Variants in USP36 observed in about 807,000 individuals in gnomAD.
USP36 encodes ubiquitin carboxyl-terminal hydrolase 36.
A neutral mutation model predicts 111.5 loss-of-function variants in USP36; 59 were observed. The ratio of observed to expected loss-of-function variants is 0.53; its 90% CI spans 0.43 to 0.66. The LOEUF (loss-of-function observed/expected upper bound fraction) is 0.66. Among genes scored for constraint, USP36 ranks in the 30% least tolerant of loss-of-function variants. The pLI, the probability that USP36 is intolerant of heterozygous loss-of-function variation, is 0.00. For missense variants in USP36, 1,488 were observed against 1,468.0 expected (o/e 1.01, Z -0.22); for synonymous variants, 628 against 581.0 (o/e 1.08, Z -1.16).
downstream of USP36, chr17:78,795,561 T>G (rs2093617002): frequency 1.3e-5 from 2 of 152,014 alleles, no homozygotes; most frequent in South Asian, 4.1e-4. The surrounding 1 kb of genome is among the most constrained non-coding windows in gnomAD (Gnocchi z 4.5). Context: ...TAGCCCAGCC[T>G]CAACTTCCAG....
upstream of USP36, chr17:78,841,060 G>A (rs1013652681): frequency 1.3e-5 from 2 of 152,234 alleles, no homozygotes; most frequent in African/African-American, 2.4e-5. Flanking sequence ...CCTGTGCCGC[G>A]GCAGGGTGAC....
chr17:78,790,838 C>G (rs2093577360), downstream of USP36, among the ~76,000 whole-genome samples: 1 of 152,138 alleles, frequency 6.6e-6, no homozygotes, highest in Non-Finnish European at 1.5e-5. Flanking sequence ...ACCTAAATAC[C>G]TAGATCCTGC....
At chr17:78,824,908 C>T (rs560905972) in intron 6 of USP36, among the ~76,000 whole-genome samples, 5 of 152,346 alleles carry the variant, frequency 3.3e-5, no homozygotes, top group African/African-American at 9.6e-5. Flanking sequence ...ACAAAAGCCA[C>T]TCCACGTGAC....
In USP36 at chr17:78,802,543, G is replaced by C; in HGVS notation, c.2811-8C>G. 3.1e-6 allele frequency: 5 copies of C among 1,601,306 alleles called. No homozygotes were observed. Among genetic ancestry groups the C allele is most frequent in the Non-Finnish European group, 4.2e-6 (5 of 1,178,964 alleles). ...TCACCCATGGGAGAGCAGCTGCTTGGAAGTGAGAGGCAGCAGTCAGCTCTG... is the reference window on the plus strand; with the variant it reads ...TCACCCATGGGAGAGCAGCTGCTTGCAAGTGAGAGGCAGCAGTCAGCTCTG... On this transcript the variant is annotated splice_region_variant and splice_polypyrimidine_tract_variant and intron_variant, in intron 16 of 20. Transcript: ENST00000449938.
downstream of USP36, among the ~76,000 whole-genome samples, chr17:78,792,455 C>T (rs907555351): frequency 6.6e-6 from 1 of 152,156 alleles, no homozygotes; most frequent in Non-Finnish European, 1.5e-5. Context: ...CCTTCCCACT[C>T]TCCCACACCA....
Position 78,818,650 on chromosome 17 carries a change from G to T in USP36, c.1023+17C>A. 1.2e-6 allele frequency: 2 copies of T among 1,610,934 alleles called. No individual in the cohort carries two copies. Among genetic ancestry groups the T allele is most frequent in the Non-Finnish European group, 1.7e-6 (2 of 1,177,238 alleles). Reference sequence around the variant, plus strand: ...GTGGCCCACGGAGCTGCCTGGGATGGTGTCACGAGCGCTCACCTTGGTGAT... The same window carrying T: ...GTGGCCCACGGAGCTGCCTGGGATGTTGTCACGAGCGCTCACCTTGGTGAT... On this transcript the variant is annotated intron_variant, in intron 10 of 20. Coordinates refer to ENST00000449938, the MANE Select transcript of USP36 (RefSeq NM_001385174.1).
intron 1 of USP36, among the ~76,000 whole-genome samples, chr17:78,839,815 C>A (rs185263667): frequency 6.6e-6 from 1 of 152,318 alleles, no homozygotes. Context: ...CTCCGACGCA[C>A]ACACCATCCA....
At chr17:78,826,895 A>C in intron 6 of USP36, 1 of 586,416 alleles carries the variant, frequency 1.7e-6, no homozygotes, top group Non-Finnish European at 3.0e-6. Context: ...GATTTTTAAG[A>C]GACTGAAAAA....
At chr17:78,827,198 A>G in intron 6 of USP36, 47 bp downstream of exon 6, 1 of 1,491,548 alleles carries the variant, frequency 6.7e-7, no homozygotes, top group Non-Finnish European at 9.0e-7. Context: ...GCCACCATGT[A>G]GAAAAGGTGT....
At chr17:78,825,967 C>CT (rs1156777675) in intron 6 of USP36, among the ~76,000 whole-genome samples, 2 of 152,166 alleles carry the variant, frequency 1.3e-5, no homozygotes, top group Non-Finnish European at 2.9e-5. Context: ...GGTCCACTGT[C>CT]TTCACCAATT....
chr17:78,813,064 T>C, intron 12 of USP36, 63 bp from the exon 13 acceptor site: 1 of 1,600,720 alleles, frequency 6.2e-7, no homozygotes. Context: ...CGGAGAGAAT[T>C]AGAATAAGTT....
At position 78,821,940 on chromosome 17, in the gene USP36, G is replaced by A. The variant is rs939725126; in HGVS notation, c.754C>T (p.Arg252Cys). The change falls in exon 7 of 21, where the codon CGC becomes TGC. Residue 252 changes from arginine to cysteine, a missense_variant. This residue lies in a region of USP36 where 196 missense variants were observed against 264.4 expected (regional missense o/e 0.74). Coordinates refer to ENST00000449938, the MANE Select transcript of USP36 (RefSeq NM_001385174.1). ...HQIFGGYLRSRVKCSVCKSVS... is the reference protein window; with the variant it reads ...HQIFGGYLRSCVKCSVCKSVS... ...TAGAACAAACGTCTCCACTTACCGC[G>A]TGATCTGAGATACCCTCCAAAAATT... 20 of 1,614,016 alleles carry A rather than the reference G, an allele frequency of 1.2e-5. 1 individual carries two copies. The highest frequency in any genetic ancestry group is 2.2e-5 in the East Asian group (1 of 44,884).
intron 1 of USP36, among the ~76,000 whole-genome samples, chr17:78,839,891 T>C (rs1465154754): frequency 6.6e-6 from 1 of 152,182 alleles, no homozygotes; most frequent in East Asian, 1.9e-4. Context: ...CATCCACATT[T>C]CCACCTGCGC....
At position 78,796,604 on chromosome 17, in the gene USP36, C is replaced by T. The variant is rs2093632195; in HGVS notation, c.*1296G>A. Reference sequence around the variant, plus strand: ...TAAAAAAGCAATTCCATCTACACGCCAGTAACCACCCAGGCCCCGAGCACA... The same window carrying T: ...TAAAAAAGCAATTCCATCTACACGCTAGTAACCACCCAGGCCCCGAGCACA... On this transcript the variant is annotated 3_prime_UTR_variant, in exon 21 of 21. Coordinates refer to ENST00000449938, the MANE Select transcript of USP36 (RefSeq NM_001385174.1). 1 of 152,284 alleles carries T rather than the reference C, an allele frequency of 6.6e-6. No individual in the cohort carries two copies. Among genetic ancestry groups the T allele is most frequent in the African/African-American group, 2.4e-5 (1 of 41,442 alleles). The allele number at this position is 152,284 out of a possible 1,614,324, so 9.4% of individuals were successfully genotyped here.
chr17:78,819,781 G>T, intron 9 of USP36, 149 bp downstream of exon 9: 1 of 739,968 alleles, frequency 1.4e-6, no homozygotes, highest in Non-Finnish European at 2.3e-6. Flanking sequence ...TTATTTAGAA[G>T]TTTGAGTTTT....
Position 78,803,452 on chromosome 17 carries a change from G to A in USP36, c.2743C>T (p.Arg915Trp), listed in dbSNP as rs144517101. The change falls in exon 16 of 21, where the codon CGG becomes TGG. Residue 915 changes from arginine (R) to tryptophan (W), a missense_variant. By Grantham distance (101) the Arg-to-Trp change is moderately radical. Transcript: ENST00000449938. The surrounding 1 kb of genome is among the most constrained non-coding windows in gnomAD (Gnocchi z 4.6). Reference sequence around the variant, plus strand: ...AGACCTTCTGCTCCTTTCCTCCTCCGCTTCCTGCTGCTCGCGTGGTGGCCG... The same window carrying A: ...AGACCTTCTGCTCCTTTCCTCCTCCACTTCCTGCTGCTCGCGTGGTGGCCG... ...TDGHHASSRK[R>W]RRKGAEGLGE... is the part of the protein sequence containing the mutation. 3.1e-4 allele frequency: 502 copies of A among 1,614,022 alleles called. 5 individuals are homozygous for A. In the East Asian group the frequency reaches 0.011, roughly 34 times the overall value.
chr17:78,805,218 G>A (rs922711825), intron 15 of USP36, among the ~76,000 whole-genome samples: 1 of 152,108 alleles, frequency 6.6e-6, no homozygotes, highest in Admixed American at 6.6e-5. Context: ...CAAACTATAA[G>A]GGCCATGCCA....
At chr17:78,830,958 G>C (rs375972305) in intron 4 of USP36, among the ~76,000 whole-genome samples, 75 of 152,070 alleles carry the variant, frequency 4.9e-4, no homozygotes, top group African/African-American at 1.7e-3. Context: ...CAGATGCAGT[G>C]GCTCACGCCT....
At chr17:78,792,947 C>G (rs1419843982), downstream of USP36, among the ~76,000 whole-genome samples, 1 of 152,076 alleles carries the variant, frequency 6.6e-6, no homozygotes, top group Non-Finnish European at 1.5e-5. Context: ...AACTTCTGAC[C>G]TCAAGTGATC....
Sources: allele counts gnomAD v4.1 joint callset (sites outside exome capture counted in the v4.1 genomes callset), GRCh38; gene constraint gnomAD v4.1.1; regional missense constraint gnomAD v4.1.1; non-coding constraint Gnocchi (gnomAD v3.1); transcripts MANE v1.5; gene names NCBI Gene and HGNC (gene_info 2026-07-23, HGNC 2026-07-21).